The following IL15 variants were observed in gnomAD, a reference collection of about 807,000 sequenced individuals.
IL15 encodes interleukin 15, also known as interleukin-15.
IL15 carries 11 observed loss-of-function variants against 19.6 expected under a neutral mutation model. That is an observed-to-expected ratio of 0.56 (90% CI 0.35 to 0.93). The LOEUF is 0.93. Ranked by LOEUF, IL15 falls within the 40% of genes least tolerant of loss-of-function variation. The probability of loss-of-function intolerance (pLI) is 0.01; values close to 1 mark genes in which losing one functional copy is unlikely to be tolerated. For missense variants in IL15, 197 were observed against 186.5 expected, an observed-to-expected ratio of 1.06 and a Z score of -0.33; for synonymous variants, 58 against 59.6, an observed-to-expected ratio of 0.97 and a Z score of 0.12.
rs975771227 is a variant in IL15 at position 141,721,795 on chromosome 4, A to G, written c.111-129A>G. ...GTTCAGTTACAAGGCTGTTGAATGC[A>G]CAGAAGCAAGGATAACACTGATTTT... On this transcript the variant is annotated intron_variant, in intron 4 of 7. Coordinates refer to ENST00000320650, the MANE Select transcript of IL15 (RefSeq NM_000585.5). 13 of 808,524 alleles carry G rather than the reference A, an allele frequency of 1.6e-5. No homozygotes were observed. In the African/African-American group the frequency reaches 2.2e-4, roughly 14 times the overall value. 50.1% of individuals were successfully genotyped at this position (808,524 alleles called of 1,614,324 possible). A position where few individuals can be genotyped will look rare whatever the true frequency, so the allele number is the denominator to read the frequency against.
intron 2 of IL15, 55 bp downstream of exon 2, chr4:141,656,362 C>T (rs1727598870): frequency 2.5e-6 from 1 of 396,784 alleles, no homozygotes; most frequent in Non-Finnish European, 4.4e-6. Context: ...TATATAATAG[C>T]ATAACTAATA....
chr4:141,709,075 G>A (rs969303942), intron 2 of IL15, among the ~76,000 whole-genome samples: 1 of 99,236 alleles, frequency 1.0e-5, no homozygotes, highest in Non-Finnish European at 2.2e-5. Flanking sequence ...ATTCAATATT[G>A]AAAATTTTCA....
intron 6 of IL15, among the ~76,000 whole-genome samples, chr4:141,728,704 A>G (rs1730349791): frequency 6.6e-6 from 1 of 152,158 alleles, no homozygotes; most frequent in Non-Finnish European, 1.5e-5. Flanking sequence ...CTTTCTAAGC[A>G]TTGGAAAGAA....
At chr4:141,648,955 T>C (rs1727317512) in intron 1 of IL15, among the ~76,000 whole-genome samples, 1 of 152,114 alleles carries the variant, frequency 6.6e-6, no homozygotes, top group Non-Finnish European at 1.5e-5. Context: ...CTGTGAAGGA[T>C]AAAAAGACGC....
chr4:141,687,495 C>T (rs148636965), intron 2 of IL15, among the ~76,000 whole-genome samples: 58 of 152,230 alleles, frequency 3.8e-4, no homozygotes, highest in African/African-American at 1.3e-3. Flanking sequence ...CTCTCCACAC[C>T]TCCACTAAAG....
intron 2 of IL15, among the ~76,000 whole-genome samples, chr4:141,678,526 C>T (rs763753337): frequency 1.3e-5 from 2 of 151,214 alleles, no homozygotes; most frequent in South Asian, 2.1e-4. Flanking sequence ...AACTAGGGAC[C>T]CCATGGATTT....
At chr4:141,715,050 C>T (rs1729828531) in intron 2 of IL15, 1 of 152,264 alleles carries the variant, frequency 6.6e-6, no homozygotes, top group Non-Finnish European at 1.5e-5. Flanking sequence ...GTGTCCAAGG[C>T]TTGCTTTTTT....
At chr4:141,637,154 G>T (rs1376219687) in intron 1 of IL15, 1 of 152,246 alleles carries the variant, frequency 6.6e-6, no homozygotes, top group Non-Finnish European at 1.5e-5. Flanking sequence ...GCGGGTTTCT[G>T]AGAAGACGCT....
intron 2 of IL15, among the ~76,000 whole-genome samples, chr4:141,681,484 G>T (rs1371677746): frequency 6.6e-6 from 1 of 152,174 alleles, no homozygotes; most frequent in African/African-American, 2.4e-5. Flanking sequence ...GCTTCACTGT[G>T]TCTTGATGCC....
intron 2 of IL15, among the ~76,000 whole-genome samples, chr4:141,658,349 G>A (rs1431826935): frequency 6.6e-6 from 1 of 152,024 alleles, no homozygotes; most frequent in Non-Finnish European, 1.5e-5. Context: ...CCAGTCTCAG[G>A]TAGTTTTTTA....
intron 2 of IL15, among the ~76,000 whole-genome samples, chr4:141,700,698 A>G (rs1729261751): frequency 6.6e-6 from 1 of 152,162 alleles, no homozygotes; most frequent in Admixed American, 6.5e-5. Flanking sequence ...GTTTTCCTCA[A>G]TTATTCCCTC....
chr4:141,640,253 C>G (rs970397821), intron 1 of IL15, among the ~76,000 whole-genome samples: 3 of 151,858 alleles, frequency 2.0e-5, no homozygotes, highest in Non-Finnish European at 4.4e-5. Context: ...GGCACTTCAT[C>G]TGTATGTCCT....
At chr4:141,678,454 T>C (rs1233815927) in intron 2 of IL15, among the ~76,000 whole-genome samples, 1 of 151,944 alleles carries the variant, frequency 6.6e-6, no homozygotes, top group East Asian at 1.9e-4. Flanking sequence ...CTAAGGGAAC[T>C]GCAAAAGATA....
chr4:141,708,824 G>A (rs2152185103), intron 2 of IL15, among the ~76,000 whole-genome samples: 1 of 152,148 alleles, frequency 6.6e-6, no homozygotes, highest in East Asian at 1.9e-4. Context: ...TTTAGTTGGG[G>A]GAACAAGCAC....
intron 1 of IL15, among the ~76,000 whole-genome samples, chr4:141,643,071 G>A (rs146260481): frequency 6.6e-6 from 1 of 152,180 alleles, no homozygotes; most frequent in Non-Finnish European, 1.5e-5. Flanking sequence ...TTAGTTTGAG[G>A]TAGAATTTAT....
At chr4:141,694,270 C>T (rs143676324) in intron 2 of IL15, among the ~76,000 whole-genome samples, 5 of 152,178 alleles carry the variant, frequency 3.3e-5, no homozygotes, top group African/African-American at 4.8e-5. Context: ...AGAAGCAGAG[C>T]GATAGTCACC....
At position 141,668,339 on chromosome 4, in the gene IL15, ACTGCCTCTTC is replaced by A. The variant is rs1301129242; in HGVS notation, c.-100+12033_-100+12042del. 6.6e-5 allele frequency among the ~76,000 whole-genome samples: 10 copies of A among 152,302 alleles called. No individual in the cohort carries two copies. In the East Asian group the frequency reaches 1.9e-3, roughly 29 times the overall value. The stretch of plus-strand genomic sequence containing the variant: ...TCAGCTTCCTTTATGCCACTTGGCC[ACTGCCTCTTC>A]AGTGCAAGCCTCTGACTCTCTCCTC... On this transcript the variant is annotated intron_variant, in intron 2 of 7. Transcript: ENST00000320650.
chr4:141,732,458 G>T (rs998827026), intron 7 of IL15, among the ~76,000 whole-genome samples: 2 of 152,178 alleles, frequency 1.3e-5, no homozygotes. Context: ...AGAAGCAGAT[G>T]ATAGGAAACC....
intron 2 of IL15, among the ~76,000 whole-genome samples, chr4:141,660,513 G>A (rs755627106): frequency 1.1e-4 from 17 of 152,166 alleles, no homozygotes; most frequent in Non-Finnish European, 2.2e-4. Flanking sequence ...AAAGTTTAAA[G>A]TGGGGAAAAT....
Sources: gnomAD v4.1 joint callset for allele counts (sites outside exome capture counted in the v4.1 genomes callset) on GRCh38, gnomAD v4.1.1 for gene constraint, MANE v1.5 for transcripts, NCBI Gene and HGNC (gene_info 2026-07-23, HGNC 2026-07-21) for gene names.